Variants in ATP8B1 observed in about 807,000 individuals in gnomAD.
ATP8B1 encodes ATPase phospholipid transporting 8B1, also known as phospholipid-transporting ATPase IC.
A neutral mutation model predicts 149.9 loss-of-function variants in ATP8B1; 80 were observed. The ratio of observed to expected loss-of-function variants is 0.53; its 90% CI spans 0.45 to 0.64. The LOEUF (loss-of-function observed/expected upper bound fraction) is 0.64. Among genes scored for constraint, ATP8B1 ranks in the 30% least tolerant of loss-of-function variants. ATP8B1 has a pLI of 0.00. For missense variants in ATP8B1, 1,247 were observed against 1,552.6 expected, an observed-to-expected ratio of 0.80 and a Z score of 3.31; for synonymous variants, 536 against 562.8, an observed-to-expected ratio of 0.95 and a Z score of 0.67.
intron 1 of ATP8B1, among the ~76,000 whole-genome samples, chr18:57,751,978 G>A (rs564190096): frequency 1.3e-5 from 2 of 152,116 alleles, no homozygotes; most frequent in South Asian, 4.2e-4. Flanking sequence ...GGCCGAGGTG[G>A]GCAGATTGCT....
At chr18:57,791,436 C>T (rs925074636) in intron 1 of ATP8B1, among the ~76,000 whole-genome samples, 6 of 147,544 alleles carry the variant, frequency 4.1e-5, no homozygotes, top group Non-Finnish European at 8.9e-5. Flanking sequence ...CTGTAAACTC[C>T]GCCTCCTGAG....
rs1406662534 is a variant in ATP8B1, at chr18:57,674,836, A to G, written c.1817T>C (p.Ile606Thr). Residue 606 changes from isoleucine to threonine, a missense_variant and splice_region_variant, in exon 16 of 28, where the codon ATT becomes ACT. Ile to Thr is a moderately conservative substitution (Grantham distance 89). Coordinates refer to ENST00000648908, the MANE Select transcript of ATP8B1 (RefSeq NM_001374385.1). ...GACAGACTCTGAGGGGGACTTACCA[A>G]TGATAGACATTCGCTTCCGGTCACT... ...FNSDRKRMSI[I>T]VRTPEGNIKL... is the part of the protein sequence containing the mutation. 1.2e-6 allele frequency: 2 copies of G among 1,614,040 alleles called. No individual in the cohort carries two copies. The highest frequency in any genetic ancestry group is 2.2e-5 in the East Asian group (1 of 44,884).
intron 15 of ATP8B1, among the ~76,000 whole-genome samples, chr18:57,679,448 C>G (rs1911812781): frequency 6.6e-6 from 1 of 152,064 alleles, no homozygotes; most frequent in Non-Finnish European, 1.5e-5. Flanking sequence ...TAAGAAAACT[C>G]TTTATTTATG....
chr18:57,763,785 C>G (rs554237746), intron 1 of ATP8B1, among the ~76,000 whole-genome samples: 162 of 152,242 alleles, frequency 1.1e-3, no homozygotes, highest in Non-Finnish European at 1.9e-3. Flanking sequence ...TTAGCTCCTT[C>G]CACTCCTCCT....
At chr18:57,664,305 GC>G (rs1568184996) in intron 20 of ATP8B1, among the ~76,000 whole-genome samples, 2 of 151,340 alleles carry the variant, frequency 1.3e-5, no homozygotes, top group African/African-American at 4.9e-5. Flanking sequence ...TCAGGAGTTC[GC>G]AGCCAGACTG....
chr18:57,790,463 T>G (rs1018616513), intron 1 of ATP8B1, among the ~76,000 whole-genome samples: 9 of 152,186 alleles, frequency 5.9e-5, no homozygotes, highest in African/African-American at 1.9e-4. Context: ...CCTTATCCCA[T>G]GGTAGCCCCA....
At chr18:57,782,808 T>C in intron 1 of ATP8B1, among the ~76,000 whole-genome samples, 1 of 53,468 alleles carries the variant, frequency 1.9e-5, no homozygotes, top group African/African-American at 6.5e-5. Context: ...TGTCTCTTTT[T>C]TTTTTTTTTT....
chr18:57,731,506 A>C lies in ATP8B1; in HGVS notation c.181+121T>G, dbSNP rs539436022. 7 of 1,134,864 alleles carry C rather than the reference A, an allele frequency of 6.2e-6. No individual in the cohort carries two copies. The South Asian group carries it at 6.6e-5, about 11-fold the overall frequency. The allele number at this position is 1,134,864 out of a possible 1,614,324, so 70.3% of individuals were successfully genotyped here. A position where few individuals can be genotyped will look rare whatever the true frequency, so the allele number is the denominator to read the frequency against. ...CCATTCTGTCAGTCGCATCCTAAGAAGAGATCAGAGAAGATTCTCTCCTAG... is the reference window on the plus strand; with the variant it reads ...CCATTCTGTCAGTCGCATCCTAAGACGAGATCAGAGAAGATTCTCTCCTAG... On this transcript the variant is annotated intron_variant, in intron 2 of 27. Coordinates refer to ENST00000648908, the MANE Select transcript of ATP8B1 (RefSeq NM_001374385.1).
chr18:57,693,958 C>T (rs185935473), intron 11 of ATP8B1, among the ~76,000 whole-genome samples: 1 of 152,014 alleles, frequency 6.6e-6, no homozygotes, highest in Non-Finnish European at 1.5e-5. Flanking sequence ...GCAGGACGGC[C>T]GACTTTTGGA....
At chr18:57,697,489 T>C (rs1912875362) in intron 8 of ATP8B1, 129 bp downstream of exon 8, 2 of 946,558 alleles carry the variant, frequency 2.1e-6, no homozygotes, top group Non-Finnish European at 3.5e-6. Flanking sequence ...GTGAGATCAG[T>C]AGGGACAGCA....
At chr18:57,730,585 GA>G (rs953826055) in intron 2 of ATP8B1, among the ~76,000 whole-genome samples, 2 of 152,128 alleles carry the variant, frequency 1.3e-5, no homozygotes, top group Non-Finnish European at 2.9e-5. Context: ...AGATGAAATA[GA>G]AAAGCCACAA....
At chr18:57,746,081 T>C (rs1229203011) in intron 1 of ATP8B1, among the ~76,000 whole-genome samples, 1 of 152,212 alleles carries the variant, frequency 6.6e-6, no homozygotes, top group East Asian at 1.9e-4. Context: ...GAAATCAGAA[T>C]TGTGTTCTAT....
At chr18:57,788,700 A>G (rs1307330866) in intron 1 of ATP8B1, among the ~76,000 whole-genome samples, 1 of 152,168 alleles carries the variant, frequency 6.6e-6, no homozygotes, top group Non-Finnish European at 1.5e-5. Context: ...CATCTGTCCC[A>G]TGGGGATAAT....
At position 57,654,075 on chromosome 18, in the gene ATP8B1, T is replaced by C. The variant is rs770960393; in HGVS notation, c.2932A>G (p.Thr978Ala). The C allele has an allele frequency of 6.2e-7, 1 of 1,612,984 alleles. No individual in the cohort carries two copies. Among genetic ancestry groups the C allele is most frequent in the East Asian group, 2.2e-5 (1 of 44,862 alleles). ...GTGATGAACCAATCCTCGTATGCAGTCTGTGAGGGGATGACAGAGGCTCCA... is the reference window on the plus strand; with the variant it reads ...GTGATGAACCAATCCTCGTATGCAGCCTGTGAGGGGATGACAGAGGCTCCA... The part of the protein sequence containing the change: ...YSFFNGYSAQ[T>A]AYEDWFITLY... Residue 978 changes from threonine to alanine, a missense_variant and splice_region_variant, in exon 24 of 28, where the codon ACT becomes GCT. Thr to Ala is a moderately conservative substitution (Grantham distance 58). Around this residue, in one of 3 missense-constraint regions of ATP8B1, gnomAD observed 230 missense variants for 356.6 expected, o/e 0.65. Coordinates refer to ENST00000648908, the MANE Select transcript of ATP8B1 (RefSeq NM_001374385.1).
At chr18:57,761,560 C>T (rs2080158640) in intron 1 of ATP8B1, among the ~76,000 whole-genome samples, 1 of 152,082 alleles carries the variant, frequency 6.6e-6, no homozygotes, top group Non-Finnish European at 1.5e-5. Flanking sequence ...GAATGGGGAA[C>T]AGGTAAAGTC....
intron 2 of ATP8B1, among the ~76,000 whole-genome samples, chr18:57,728,905 A>C (rs1005687443): frequency 2.0e-5 from 3 of 151,962 alleles, no homozygotes; most frequent in Non-Finnish European, 4.4e-5. Context: ...TTTTTAATAG[A>C]GATGGGGTTT....
chr18:57,664,015 T>C (rs558049063), intron 20 of ATP8B1, among the ~76,000 whole-genome samples: 1 of 150,576 alleles, frequency 6.6e-6, no homozygotes, highest in African/African-American at 2.4e-5. Flanking sequence ...TCCACCCGCC[T>C]CAGCCCCCCA....
At chr18:57,769,550 C>T (rs1290008410) in intron 1 of ATP8B1, among the ~76,000 whole-genome samples, 4 of 152,156 alleles carry the variant, frequency 2.6e-5, no homozygotes, top group Non-Finnish European at 4.4e-5. Flanking sequence ...CTTCATTAAG[C>T]CAGTAGGCAA....
intron 2 of ATP8B1, among the ~76,000 whole-genome samples, chr18:57,714,455 G>A (rs866719743): frequency 3.9e-5 from 6 of 152,112 alleles, no homozygotes; most frequent in Non-Finnish European, 8.8e-5. Context: ...GCGAGACCCA[G>A]TGTGGTGCCA....
Sources: allele counts gnomAD v4.1 joint callset (sites outside exome capture counted in the v4.1 genomes callset), GRCh38; gene constraint gnomAD v4.1.1; regional missense constraint gnomAD v4.1.1; transcripts MANE v1.5; gene names NCBI Gene and HGNC (gene_info 2026-07-23, HGNC 2026-07-21).